Variants in EIF3A observed in about 807,000 individuals in gnomAD.
The protein encoded by EIF3A is eukaryotic translation initiation factor 3 subunit A, also known as EIF3, p180 subunit.
Under a neutral mutation model 186.6 loss-of-function variants are expected in EIF3A, and 21 were observed. The observed-to-expected ratio is 0.11, with a 90% confidence interval of 0.08 to 0.16. The LOEUF (loss-of-function observed/expected upper bound fraction) is 0.16. EIF3A is among the 10% of genes least tolerant of loss of function. The pLI is 1.00. For synonymous variants in EIF3A, 563 were observed against 584.3 expected, an observed-to-expected ratio of 0.96 and a Z score of 0.52; for missense variants, 1,306 against 1,796.3, an observed-to-expected ratio of 0.73 and a Z score of 4.93.
intron 1 of EIF3A, among the ~76,000 whole-genome samples, chr10:119,074,800 G>C (rs900517865): frequency 1.3e-4 from 20 of 150,984 alleles, no homozygotes; most frequent in African/African-American, 4.6e-4. Context: ...GGGCGTAGTG[G>C]TGCATGCCTG....
intron 6 of EIF3A, 112 bp from the exon 7 acceptor site, chr10:119,065,682 T>A (rs1843961360): frequency 1.4e-6 from 1 of 725,266 alleles, no homozygotes; most frequent in African/African-American, 1.8e-5. Context: ...AACGTGTACA[T>A]CACCATGGTG....
chr10:119,038,073 C>T lies in EIF3A; in HGVS notation c.3728+165G>A, dbSNP rs545006150. The stretch of plus-strand genomic sequence containing the variant: ...CTGGGATTACAGGCATGCGCCACCA[C>T]GCCCGGCTAATTTTGTATTTTTTAG... On this transcript the variant is annotated intron_variant, in intron 20 of 21. Coordinates refer to ENST00000369144, the MANE Select transcript of EIF3A (RefSeq NM_003750.4). The T allele has an allele frequency of 9.5e-4, 590 of 622,578 alleles. 2 individuals carry two copies. The highest frequency in any genetic ancestry group is 1.4e-3 in the Non-Finnish European group (504 of 353,222). 38.6% of individuals were successfully genotyped at this position (622,578 alleles called of 1,614,324 possible). A position where few individuals can be genotyped will look rare whatever the true frequency, so the allele number is the denominator to read the frequency against.
intron 5 of EIF3A, among the ~76,000 whole-genome samples, chr10:119,070,228 C>T (rs1321857190): frequency 6.6e-6 from 1 of 152,118 alleles, no homozygotes; most frequent in Non-Finnish European, 1.5e-5. Flanking sequence ...CACATGACTA[C>T]AAAATTATAT....
Position 119,065,548 on chromosome 10 carries a change from C to G in EIF3A, c.973G>C (p.Ala325Pro). ...GGAGTAATAGGGATGGAAAGAGTGG[C>G]TAAAAGGACTCTAGTAGACATTCTA... ...MQRMSTRVLL[A>P]TLSIPITPER... is the part of the protein sequence containing the mutation. Residue 325 changes from alanine (A) to proline (P), a missense_variant, in exon 7 of 22, where the codon GCC (alanine) becomes CCC (proline). Ala to Pro is a conservative substitution (Grantham distance 27, BLOSUM62 -1). Transcript: ENST00000369144. 6.2e-7 allele frequency: 1 copy of G among 1,611,402 alleles called. No homozygotes were observed. The highest frequency in any genetic ancestry group is 8.5e-7 in the Non-Finnish European group (1 of 1,178,014).
At chr10:119,036,541 G>A (rs147478954) in intron 21 of EIF3A, among the ~76,000 whole-genome samples, 20 of 152,196 alleles carry the variant, frequency 1.3e-4, no homozygotes, top group East Asian at 3.9e-4. Flanking sequence ...GTATAAACCC[G>A]TAAGACAAGG....
In EIF3A at chr10:119,057,093, T is replaced by A. The variant is rs904210741; in HGVS notation, c.1978-53A>T. ...TTAATAAAGAGAAACAAGCAATGCC[T>A]AACATAACTCACTGCTTTCTAGAAT... On this transcript the variant is annotated intron_variant, in intron 12 of 21. Transcript: ENST00000369144. The A allele has an allele frequency of 1.3e-5, 13 of 1,006,770 alleles. No individual in the cohort carries two copies. In the Admixed American group the frequency reaches 2.8e-4, roughly 21 times the overall value. 62.4% of individuals were successfully genotyped at this position (1,006,770 alleles called of 1,614,324 possible).
chr10:119,045,565 T>G (rs1848271694), intron 17 of EIF3A, among the ~76,000 whole-genome samples: 1 of 152,226 alleles, frequency 6.6e-6, no homozygotes, highest in African/African-American at 2.4e-5. Flanking sequence ...ATGCAAGGTT[T>G]TAGAGGATAT....
Position 119,060,734 on chromosome 10 carries a change from T to C in EIF3A, c.1326+12A>G. The stretch of plus-strand genomic sequence containing the variant: ...TAACATCACAAAACTTTTTTTATTT[T>C]TTTATTTTTACCTGCTGCAGAAGGC... On this transcript the variant is annotated intron_variant, in intron 9 of 21. Transcript: ENST00000369144. The C allele has an allele frequency of 6.3e-7, 1 of 1,579,580 alleles. No homozygotes were observed. The highest frequency in any genetic ancestry group is 8.6e-7 in the Non-Finnish European group (1 of 1,167,892).
At chr10:119,064,662 C>T (rs1589693091) in intron 7 of EIF3A, among the ~76,000 whole-genome samples, 1 of 152,122 alleles carries the variant, frequency 6.6e-6, no homozygotes, top group East Asian at 1.9e-4. Flanking sequence ...AACCATGAGC[C>T]AATTAAACCT....
At chr10:119,056,160 G>A (rs1358538410) in intron 14 of EIF3A, among the ~76,000 whole-genome samples, 6 of 152,066 alleles carry the variant, frequency 3.9e-5, no homozygotes, top group Non-Finnish European at 7.4e-5. Context: ...ATTTGGTGCC[G>A]TAAGCATTTG....
intron 19 of EIF3A, among the ~76,000 whole-genome samples, chr10:119,040,761 C>G (rs1331917818): frequency 1.3e-5 from 2 of 151,982 alleles, no homozygotes; most frequent in South Asian, 2.1e-4. Context: ...AATCCCAGCA[C>G]TTTGGGAGGC....
chr10:119,045,478 T>C (rs536345466), intron 17 of EIF3A, among the ~76,000 whole-genome samples: 5 of 152,208 alleles, frequency 3.3e-5, no homozygotes, highest in African/African-American at 9.6e-5. Flanking sequence ...GGCAACACAA[T>C]TGAGGGAACA....
At chr10:119,067,589 A>T (rs747206055) in intron 6 of EIF3A, among the ~76,000 whole-genome samples, 3 of 152,246 alleles carry the variant, frequency 2.0e-5, no homozygotes, top group Non-Finnish European at 2.9e-5. Flanking sequence ...GCAAGACCCT[A>T]TGAGAAAGGA....
chr10:119,077,432 C>T (rs894696390), intron 1 of EIF3A, among the ~76,000 whole-genome samples: 1 of 151,940 alleles, frequency 6.6e-6, no homozygotes, highest in Non-Finnish European at 1.5e-5. Context: ...GCCTGGCCAA[C>T]AGAGAGAGAT....
intron 21 of EIF3A, among the ~76,000 whole-genome samples, 175 bp downstream of exon 21, chr10:119,036,944 G>A (rs2119817051): frequency 6.6e-6 from 1 of 151,922 alleles, no homozygotes; most frequent in Admixed American, 6.6e-5. Flanking sequence ...AGAGATAAGT[G>A]CACTTTACAA....
In EIF3A at chr10:119,080,811, G is replaced by T. The variant is rs538033139; in HGVS notation, c.-135C>A. The stretch of plus-strand genomic sequence containing the variant: ...CGCCCGCGCCCAGCCGGCCAGAGAC[G>T]GAAAGGAAGGAGCCACGTGACCTCC... On this transcript the variant is annotated 5_prime_UTR_variant, in exon 1 of 22. Transcript: ENST00000369144. 2.1e-4 allele frequency: 299 copies of T among 1,417,518 alleles called. No homozygotes were observed. In the African/African-American group the frequency reaches 3.6e-3, roughly 17 times the overall value. 87.8% of individuals were successfully genotyped at this position (1,417,518 alleles called of 1,614,324 possible). A position where few individuals can be genotyped will look rare whatever the true frequency, so the allele number is the denominator to read the frequency against.
At chr10:119,076,950 A>AAAG (rs951502940) in intron 1 of EIF3A, among the ~76,000 whole-genome samples, 9 of 151,500 alleles carry the variant, frequency 5.9e-5, no homozygotes, top group African/African-American at 2.2e-4. Flanking sequence ...AAAAAAAAAA[A>AAAG]AAAGAAAATG....
intron 12 of EIF3A, 40 bp downstream of exon 12, chr10:119,057,916 T>C: frequency 6.6e-7 from 1 of 1,519,144 alleles, no homozygotes; most frequent in Non-Finnish European, 9.0e-7. Flanking sequence ...ACAAAATACC[T>C]GGATAAAACT....
Position 119,042,877 on chromosome 10 carries a change from G to A in EIF3A, c.2748-105C>T, listed in dbSNP as rs1848232082. The A allele has an allele frequency of 8.3e-7, 1 of 1,200,612 alleles. No individual in the cohort carries two copies. Among genetic ancestry groups the A allele is most frequent in the African/African-American group, 1.5e-5 (1 of 64,746 alleles). The allele number at this position is 1,200,612 out of a possible 1,614,324, so 74.4% of individuals were successfully genotyped here. On this transcript the variant is annotated intron_variant, in intron 18 of 21. Transcript: ENST00000369144. This position sits in a 1 kb window ranked among gnomAD's most constrained non-coding sequence, Gnocchi z 7.8. ...TTTTTAAAAACTTCAGTATGGGCCG[G>A]AGCAGTGGCTCGCACCTTTAATCCC... is the stretch of plus-strand genomic sequence containing the variant.
Sources: allele counts gnomAD v4.1 joint callset (sites outside exome capture counted in the v4.1 genomes callset), GRCh38; gene constraint gnomAD v4.1.1; non-coding constraint Gnocchi (gnomAD v3.1); transcripts MANE v1.5; gene names NCBI Gene and HGNC (gene_info 2026-07-23, HGNC 2026-07-21).